Variants in KLF17 observed in about 807,000 individuals in gnomAD.
The protein encoded by KLF17 is KLF transcription factor 17.
KLF17 carries 31 observed loss-of-function variants against 34.2 expected under a neutral mutation model. The observed-to-expected ratio is 0.91, with a 90% CI of 0.68 to 1.22. The LOEUF is 1.22. Ranked by LOEUF, KLF17 falls within the 50% of genes most tolerant of loss-of-function variation. The pLI, the probability that KLF17 is intolerant of heterozygous loss-of-function variation, is 0.00. For synonymous variants in KLF17, 179 were observed against 186.7 expected (o/e 0.96, Z 0.34); for missense variants, 478 against 505.2 (o/e 0.95, Z 0.52).
the KLF17 span, among the ~76,000 whole-genome samples, chr1:44,060,376 G>C: frequency 6.6e-6 from 1 of 152,164 alleles, no homozygotes; most frequent in African/African-American, 2.4e-5. Flanking sequence ...GCTGAGGCAG[G>C]TGAATCTCTT....
the KLF17 span, among the ~76,000 whole-genome samples, chr1:44,099,897 GAAAGAA>G: frequency 1.7e-5 from 1 of 57,920 alleles, no homozygotes; most frequent in African/African-American, 5.8e-5. Flanking sequence ...AAGAAAGAAA[GAAAGAA>G]AGAAAGAAAG....
At chr1:44,064,536 C>T in the KLF17 span, among the ~76,000 whole-genome samples, 2 of 152,190 alleles carry the variant, frequency 1.3e-5, no homozygotes, top group Non-Finnish European at 2.9e-5. Context: ...TTGGCTCTAG[C>T]CCTTACAAGG....
the KLF17 span, among the ~76,000 whole-genome samples, chr1:44,099,922 G>GA: frequency 4.1e-5 from 3 of 72,934 alleles, no homozygotes; most frequent in South Asian, 1.2e-3. Flanking sequence ...AGAAAGAAAA[G>GA]AAAGGGAGGG....
At chr1:44,082,231 T>C in the KLF17 span, among the ~76,000 whole-genome samples, 3 of 152,200 alleles carry the variant, frequency 2.0e-5, no homozygotes, top group African/African-American at 7.2e-5. Flanking sequence ...AACAGTCTAA[T>C]TGGGTAATTG....
the KLF17 span, among the ~76,000 whole-genome samples, chr1:44,085,022 T>C: frequency 6.6e-6 from 1 of 151,782 alleles, no homozygotes; most frequent in Non-Finnish European, 1.5e-5. Flanking sequence ...GGTACTTGTA[T>C]TTATGGGCAA....
At position 44,134,372 on chromosome 1, in the gene KLF17, A is replaced by T. The variant is rs1412707442; in HGVS notation, c.*1135A>T. On this transcript the variant is annotated 3_prime_UTR_variant, in exon 4 of 4. Coordinates refer to ENST00000372299, the MANE Select transcript of KLF17 (RefSeq NM_173484.4). Reference sequence around the variant, plus strand: ...ATGGTGAAACCCCATCTCTACAAAAAATACAAAAATTAGCCTGGCATATGG... The same window carrying T: ...ATGGTGAAACCCCATCTCTACAAAATATACAAAAATTAGCCTGGCATATGG... The T allele has an allele frequency of 6.6e-6, 1 of 152,206 alleles. No individual in the cohort carries two copies. Among genetic ancestry groups the T allele is most frequent in the African/African-American group, 2.4e-5 (1 of 41,440 alleles). 9.4% of individuals were successfully genotyped at this position (152,206 alleles called of 1,614,324 possible).
chr1:44,082,227 C>T, the KLF17 span, among the ~76,000 whole-genome samples: 2 of 152,166 alleles, frequency 1.3e-5, no homozygotes, highest in African/African-American at 4.8e-5. Context: ...CACCAACAGT[C>T]TAATTGGGTA....
At chr1:44,053,998 A>C in the KLF17 span, among the ~76,000 whole-genome samples, 1 of 152,220 alleles carries the variant, frequency 6.6e-6, no homozygotes, top group Admixed American at 6.5e-5. Flanking sequence ...CAGAAATCAC[A>C]GGCTAATTTG....
At chr1:44,128,210 T>C (rs1228221581) in intron 1 of KLF17, among the ~76,000 whole-genome samples, 2 of 152,126 alleles carry the variant, frequency 1.3e-5, no homozygotes, top group African/African-American at 4.8e-5. Context: ...GCCTCCCAAG[T>C]AGCTGGGACT....
chr1:44,060,662 C>CCA, the KLF17 span, among the ~76,000 whole-genome samples: 1 of 152,078 alleles, frequency 6.6e-6, no homozygotes, highest in East Asian at 1.9e-4. Context: ...CCTACTCAAC[C>CCA]CTAGTCAACC....
chr1:44,125,334 T>C (rs996852026), intron 1 of KLF17, among the ~76,000 whole-genome samples: 10 of 152,352 alleles, frequency 6.6e-5, no homozygotes, highest in African/African-American at 2.2e-4. Context: ...TTTCCTTTAG[T>C]ACTTTGAATA....
At chr1:44,124,584 C>T (rs2087986678) in intron 1 of KLF17, among the ~76,000 whole-genome samples, 1 of 151,494 alleles carries the variant, frequency 6.6e-6, no homozygotes. Context: ...AGGCTCCGCC[C>T]CCGGGGTTCA....
chr1:44,129,514 T>G lies in KLF17; in HGVS notation c.243T>G (p.Asn81Lys). The G allele has an allele frequency of 3.7e-6, 6 of 1,613,042 alleles. No homozygotes were observed. The highest frequency in any genetic ancestry group is 5.1e-6 in the Non-Finnish European group (6 of 1,179,422). ...TGTCTGTTGAGGCGCCGGGGCAGAA[T>G]GTGAATGAAGGGGGGCCACAGTTCA... Reference protein sequence around the residue: ...PLVSVEAPGQNVNEGGPQFSM... With the variant: ...PLVSVEAPGQKVNEGGPQFSM... Residue 81 changes from asparagine to lysine, a missense_variant, in exon 2 of 4, where the codon AAT becomes AAG. Coordinates refer to ENST00000372299, the MANE Select transcript of KLF17 (RefSeq NM_173484.4).
At chr1:44,054,202 CT>C in the KLF17 span, among the ~76,000 whole-genome samples, 1 of 152,162 alleles carries the variant, frequency 6.6e-6, no homozygotes. Context: ...CAATCTGCCC[CT>C]GACATCAGGA....
At chr1:44,059,332 A>G in the KLF17 span, among the ~76,000 whole-genome samples, 1 of 152,208 alleles carries the variant, frequency 6.6e-6, no homozygotes, top group Non-Finnish European at 1.5e-5. Context: ...TGTTGGGTAT[A>G]GAGGCCACTC....
At chr1:44,104,337 T>C in the KLF17 span, 10 of 1,479,522 alleles carry the variant, frequency 6.8e-6, no homozygotes, top group Admixed American at 8.4e-5. Flanking sequence ...CCGCCTAAGG[T>C]TGTTGATGTA....
the KLF17 span, among the ~76,000 whole-genome samples, chr1:44,109,897 C>CTT: frequency 8.7e-3 from 672 of 77,208 alleles, 7 homozygotes; most frequent in African/African-American, 0.031. Context: ...CTTTTTTATA[C>CTT]TTTTTTTTTT....
At position 44,129,802 on chromosome 1, in the gene KLF17, G is replaced by T. The variant is rs1192002192; in HGVS notation, c.531G>T (p.Val177=). 5.0e-6 allele frequency: 8 copies of T among 1,614,144 alleles called. 1 individual carries two copies. In the South Asian group the frequency reaches 8.8e-5, roughly 18 times the overall value. ...PIMSHTGNPP[V]PYPGLSTVPS... is the part of the protein sequence containing the mutation. ...TGTCCCACACTGGGAACCCTCCAGTGCCTTACCCTGGCCTCTCGACAGTAC... is the reference window on the plus strand; with the variant it reads ...TGTCCCACACTGGGAACCCTCCAGTTCCTTACCCTGGCCTCTCGACAGTAC... The change falls in exon 2 of 4, where the codon GTG becomes GTT. Residue 177 remains valine, a synonymous_variant. Transcript: ENST00000372299.
chr1:44,089,248 G>A, the KLF17 span, among the ~76,000 whole-genome samples: 2 of 152,198 alleles, frequency 1.3e-5, no homozygotes, highest in Admixed American at 1.3e-4. Context: ...TCCAGATGCA[G>A]ATGCTGAGAT....
Sources: gnomAD v4.1 joint callset for allele counts (sites outside exome capture counted in the v4.1 genomes callset) on GRCh38, gnomAD v4.1.1 for gene constraint, MANE v1.5 for transcripts, NCBI Gene and HGNC (gene_info 2026-07-23, HGNC 2026-07-21) for gene names.